SPATA16: variants seen among roughly 807,000 people sequenced by gnomAD.
The protein encoded by SPATA16 is spermatogenesis-associated protein 16.
A neutral mutation model predicts 63.3 loss-of-function variants in SPATA16; 36 were observed. That is an observed-to-expected ratio of 0.57 (90% CI 0.44 to 0.75). The LOEUF is 0.75. SPATA16 is among the 30% of genes least tolerant of loss of function. The pLI is 0.00. For synonymous variants in SPATA16, 203 were observed against 216.7 expected, an observed-to-expected ratio of 0.94 and a Z score of 0.56; for missense variants, 646 against 679.3, an observed-to-expected ratio of 0.95 and a Z score of 0.54.
intron 6 of SPATA16, among the ~76,000 whole-genome samples, chr3:172,926,180 T>TAA (rs57396085): frequency 6.8e-6 from 1 of 146,242 alleles, no homozygotes; most frequent in African/African-American, 2.5e-5. Context: ...ATGTTAGTTA[T>TAA]AAAAAAAAAA....
At chr3:172,958,933 G>A (rs1733671492) in intron 5 of SPATA16, among the ~76,000 whole-genome samples, 1 of 152,150 alleles carries the variant, frequency 6.6e-6, no homozygotes, top group East Asian at 1.9e-4. Context: ...CTAATGGAAT[G>A]CAGTCTAACT....
chr3:172,889,363 C>G lies in SPATA16; in HGVS notation c.*207G>C. The stretch of plus-strand genomic sequence containing the variant: ...AGAAAAATCTGAACAAAAGTCAAGT[C>G]AAACTTGCTGAGAATATTTATTGCT... On this transcript the variant is annotated 3_prime_UTR_variant, in exon 11 of 11. Transcript: ENST00000351008. 1 of 718,436 alleles carries G rather than the reference C, an allele frequency of 1.4e-6. No individual in the cohort carries two copies. The highest frequency in any genetic ancestry group is 2.3e-6 in the Non-Finnish European group (1 of 438,570). 44.5% of individuals were successfully genotyped at this position (718,436 alleles called of 1,614,324 possible).
chr3:172,959,087 C>A (rs60657564), intron 5 of SPATA16, among the ~76,000 whole-genome samples: 6,359 of 95,670 alleles, frequency 0.066, 447 homozygotes, highest in African/African-American at 0.26. Context: ...TCTGGATTAA[C>A]AAATCTAGCA....
intron 1 of SPATA16, among the ~76,000 whole-genome samples, chr3:173,140,788 T>G (rs911696112): frequency 2.0e-5 from 3 of 152,120 alleles, no homozygotes; most frequent in African/African-American, 7.2e-5. Flanking sequence ...AAAAAATCTG[T>G]TATTGGGAAA....
chr3:172,991,799 A>G (rs1346129908), intron 4 of SPATA16, among the ~76,000 whole-genome samples: 3 of 152,208 alleles, frequency 2.0e-5, no homozygotes, highest in Non-Finnish European at 4.4e-5. Context: ...AGGCTGAAGA[A>G]AAAAACAACA....
chr3:173,004,445 A>C (rs890116964), intron 4 of SPATA16, among the ~76,000 whole-genome samples: 16 of 151,678 alleles, frequency 1.1e-4, no homozygotes, highest in African/African-American at 3.9e-4. Flanking sequence ...AAAAAAAAAA[A>C]AAACACCACC....
At chr3:172,939,687 C>T (rs961974309) in intron 6 of SPATA16, among the ~76,000 whole-genome samples, 3 of 152,156 alleles carry the variant, frequency 2.0e-5, no homozygotes, top group South Asian at 2.1e-4. Context: ...TGGTCTTTGT[C>T]CCCAGTTCCT....
chr3:173,024,186 C>T (rs929991339), intron 3 of SPATA16, among the ~76,000 whole-genome samples: 2 of 150,998 alleles, frequency 1.3e-5, no homozygotes, highest in Non-Finnish European at 3.0e-5. Flanking sequence ...TATTTTGTAC[C>T]CTTATAACTT....
At chr3:172,962,819 TTAA>T (rs1733820940) in intron 5 of SPATA16, among the ~76,000 whole-genome samples, 1 of 152,106 alleles carries the variant, frequency 6.6e-6, no homozygotes, top group South Asian at 2.1e-4. Flanking sequence ...TGTTATTATA[TTAA>T]TAATAATGCA....
chr3:173,088,072 T>TCTTTCTG (rs1560118965), intron 2 of SPATA16, among the ~76,000 whole-genome samples: 3 of 128,108 alleles, frequency 2.3e-5, no homozygotes, highest in Non-Finnish European at 5.0e-5. Context: ...CTTTCTTTCT[T>TCTTTCTG]TCTTTCTGTC....
intron 4 of SPATA16, among the ~76,000 whole-genome samples, chr3:173,007,786 T>C (rs1472077311): frequency 6.6e-6 from 1 of 151,788 alleles, no homozygotes; most frequent in Non-Finnish European, 1.5e-5. Context: ...TTTTTTTTTT[T>C]AACAGCTGGC....
intron 5 of SPATA16, among the ~76,000 whole-genome samples, chr3:172,973,964 C>T (rs1447701446): frequency 6.6e-6 from 1 of 152,124 alleles, no homozygotes; most frequent in Non-Finnish European, 1.5e-5. Context: ...AGAGGTGACA[C>T]TATTATAGAA....
intron 3 of SPATA16, among the ~76,000 whole-genome samples, chr3:173,044,657 T>G (rs1220483224): frequency 1.3e-5 from 2 of 152,206 alleles, no homozygotes; most frequent in Non-Finnish European, 2.9e-5. Context: ...ATTTTCCTAC[T>G]TCTTTGCATG....
chr3:173,046,971 T>C (rs1735971672), intron 3 of SPATA16, among the ~76,000 whole-genome samples: 1 of 152,004 alleles, frequency 6.6e-6, no homozygotes, highest in Admixed American at 6.6e-5. Flanking sequence ...AAAATTATTT[T>C]ACAAAAGTTA....
chr3:172,916,955 A>G (rs1331578821), intron 8 of SPATA16, among the ~76,000 whole-genome samples: 2 of 152,234 alleles, frequency 1.3e-5, no homozygotes, highest in Non-Finnish European at 2.9e-5. Context: ...GTTTACCCCA[A>G]TAGCTTACAT....
intron 3 of SPATA16, among the ~76,000 whole-genome samples, chr3:173,046,021 A>G (rs73044918): frequency 2.2e-3 from 330 of 152,200 alleles, no homozygotes; most frequent in African/African-American, 7.5e-3. Context: ...AAAAACCCTA[A>G]AGGTAGGGAA....
rs1182639878 is a variant in SPATA16, at chr3:173,031,536, A to G, written c.759-11961T>C. Among the ~76,000 whole-genome samples, 5 of 152,228 alleles carry G rather than the reference A, an allele frequency of 3.3e-5. No homozygotes were observed. In the South Asian group the frequency reaches 6.2e-4, roughly 19 times the overall value. ...TCTGTGTTCTCAGTAACAGATTTAC[A>G]GAAAAATCAGCGAGTGTTCCATATT... is the stretch of plus-strand genomic sequence containing the variant. On this transcript the variant is annotated intron_variant, in intron 3 of 10. Transcript: ENST00000351008.
chr3:172,966,235 C>T (rs1194961742), intron 5 of SPATA16, among the ~76,000 whole-genome samples: 1 of 152,236 alleles, frequency 6.6e-6, no homozygotes, highest in Non-Finnish European at 1.5e-5. Flanking sequence ...TGCCACTATA[C>T]TACCAAGTTC....
At chr3:172,974,656 T>C (rs1027494292) in intron 5 of SPATA16, among the ~76,000 whole-genome samples, 1 of 152,134 alleles carries the variant, frequency 6.6e-6, no homozygotes, top group Non-Finnish European at 1.5e-5. Flanking sequence ...TGTTAATTTA[T>C]AGAATTTATC....
Sources: gnomAD v4.1 joint callset for allele counts (sites outside exome capture counted in the v4.1 genomes callset) on GRCh38, gnomAD v4.1.1 for gene constraint, MANE v1.5 for transcripts, NCBI Gene and HGNC (gene_info 2026-07-23, HGNC 2026-07-21) for gene names.